SUMF1: variants seen among roughly 807,000 people sequenced by gnomAD.
The protein encoded by SUMF1 is formylglycine-generating enzyme.
Under a neutral mutation model 47.6 loss-of-function variants are expected in SUMF1, and 48 were observed. The observed-to-expected ratio is 1.01, with a 90% CI of 0.80 to 1.28. The LOEUF is 1.28. SUMF1 is among the 50% of genes most tolerant of loss of function. The pLI, the probability that SUMF1 is intolerant of heterozygous loss-of-function variation, is 0.00. For synonymous variants in SUMF1, 230 were observed against 192.1 expected, an observed-to-expected ratio of 1.20 and a Z score of -1.63; for missense variants, 571 against 485.4, an observed-to-expected ratio of 1.18 and a Z score of -1.66.
intron 9 of SUMF1, among the ~76,000 whole-genome samples, chr3:4,036,094 G>A (rs998264955): frequency 2.0e-5 from 3 of 152,078 alleles, no homozygotes; most frequent in African/African-American, 4.8e-5. Context: ...AATAATGAAT[G>A]TATTTAGCTC....
intron 8 of SUMF1, among the ~76,000 whole-genome samples, chr3:4,179,324 G>T (rs1475366736): frequency 6.6e-6 from 1 of 152,058 alleles, no homozygotes; most frequent in Non-Finnish European, 1.5e-5. Flanking sequence ...CATGCTACTG[G>T]TACCAAAACA....
chr3:4,082,613 G>C (rs1692584944), intron 8 of SUMF1, among the ~76,000 whole-genome samples: 1 of 152,128 alleles, frequency 6.6e-6, no homozygotes, highest in Admixed American at 6.5e-5. Flanking sequence ...TGGAGTGAAA[G>C]AGATTAGTCA....
At chr3:4,264,598 G>A (rs547992058) in intron 8 of SUMF1, among the ~76,000 whole-genome samples, 2 of 152,148 alleles carry the variant, frequency 1.3e-5, no homozygotes, top group South Asian at 2.1e-4. Flanking sequence ...TGCCCTTTCA[G>A]TACTTTTAAA....
chr3:4,334,923 T>G (rs1699115899), intron 8 of SUMF1, among the ~76,000 whole-genome samples: 1 of 152,208 alleles, frequency 6.6e-6, no homozygotes, highest in African/African-American at 2.4e-5. Context: ...TTTTCATTAA[T>G]TGCTTAATAT....
chr3:4,140,764 T>C (rs979032924), intron 8 of SUMF1, among the ~76,000 whole-genome samples: 2 of 151,990 alleles, frequency 1.3e-5, no homozygotes, highest in Non-Finnish European at 2.9e-5. Context: ...CAGCAGAGAA[T>C]AGTATAGGTT....
chr3:4,400,400 A>C (rs992551674), intron 7 of SUMF1, among the ~76,000 whole-genome samples: 6 of 152,258 alleles, frequency 3.9e-5, no homozygotes, highest in African/African-American at 1.4e-4. Flanking sequence ...GGAAATGATA[A>C]GAAACCACCA....
intron 8 of SUMF1, among the ~76,000 whole-genome samples, chr3:4,297,228 C>T (rs572489434): frequency 2.0e-5 from 3 of 152,184 alleles, no homozygotes; most frequent in African/African-American, 7.2e-5. Flanking sequence ...CCCCGTTAGA[C>T]GGGCTGGGTG....
chr3:4,290,855 T>C (rs1043936037), intron 8 of SUMF1, among the ~76,000 whole-genome samples: 1 of 152,132 alleles, frequency 6.6e-6, no homozygotes, highest in African/African-American at 2.4e-5. Flanking sequence ...GCTTGCAAGC[T>C]GGTTGTTAAA....
chr3:4,394,926 T>C (rs959800473), intron 7 of SUMF1, among the ~76,000 whole-genome samples: 5 of 152,188 alleles, frequency 3.3e-5, no homozygotes, highest in African/African-American at 1.2e-4. Context: ...CCTCTTTCAA[T>C]CACCTCAACC....
chr3:4,211,474 T>A (rs957021846), intron 8 of SUMF1, among the ~76,000 whole-genome samples: 2 of 151,712 alleles, frequency 1.3e-5, no homozygotes, highest in Non-Finnish European at 2.9e-5. Flanking sequence ...CCTCCAGCTT[T>A]TGAAAGAGGT....
At chr3:4,275,151 G>A (rs888394813) in intron 8 of SUMF1, among the ~76,000 whole-genome samples, 8 of 152,056 alleles carry the variant, frequency 5.3e-5, no homozygotes, top group South Asian at 2.1e-4. Flanking sequence ...CCTTGGTTGC[G>A]CTATGAGAAA....
intron 8 of SUMF1, among the ~76,000 whole-genome samples, chr3:4,246,434 C>T (rs1184785843): frequency 1.3e-5 from 2 of 152,100 alleles, no homozygotes; most frequent in African/African-American, 2.4e-5. Context: ...CAGAGTCTCA[C>T]TCTGTTGCCC....
rs77486593 is a variant in SUMF1 at position 4,391,903 on chromosome 3, C to A, written c.955-15514G>T. ...AGTGCATTGGTGCAATCTTGGTTCA[C>A]CACAGCCTCAACCTCCCTAGGTTCA... On this transcript the variant is annotated intron_variant, in intron 7 of 8. Transcript: ENST00000272902. Among the ~76,000 whole-genome samples, 625 of 151,764 alleles carry A rather than the reference C, an allele frequency of 4.1e-3. 6 individuals carry two copies. The highest frequency in any genetic ancestry group is 0.014 in the African/African-American group (597 of 41,342).
intron 7 of SUMF1, among the ~76,000 whole-genome samples, chr3:4,390,055 T>TTA (rs1700805995): frequency 6.6e-6 from 1 of 152,228 alleles, no homozygotes; most frequent in Admixed American, 6.5e-5. Context: ...CATGTTCTTA[T>TTA]TATGTTAAAA....
chr3:4,288,466 A>G (rs1397517173), intron 8 of SUMF1, among the ~76,000 whole-genome samples: 2 of 152,120 alleles, frequency 1.3e-5, no homozygotes, highest in Non-Finnish European at 2.9e-5. Context: ...CTTCCCGTTG[A>G]GCTCCCTTTC....
chr3:4,051,043 C>T (rs781165739), intron 9 of SUMF1, among the ~76,000 whole-genome samples: 3 of 151,618 alleles, frequency 2.0e-5, no homozygotes, highest in African/African-American at 4.8e-5. Context: ...TGACTTGCTG[C>T]GCACAACTAC....
chr3:4,342,284 G>C (rs930656947), intron 8 of SUMF1, among the ~76,000 whole-genome samples: 2 of 152,200 alleles, frequency 1.3e-5, no homozygotes, highest in Non-Finnish European at 2.9e-5. Flanking sequence ...TGTAATCTCA[G>C]CACTTTGGGA....
chr3:4,135,836 C>A (rs1018877167), intron 8 of SUMF1, among the ~76,000 whole-genome samples: 1 of 152,116 alleles, frequency 6.6e-6, no homozygotes, highest in African/African-American at 2.4e-5. Flanking sequence ...CAATAACAGA[C>A]AAACAGAGAG....
At position 4,128,250 on chromosome 3, in the gene SUMF1, G is replaced by A. The variant is rs533147874; in HGVS notation, c.1015-59505C>T. Among the ~76,000 whole-genome samples the A allele has an allele frequency of 2.0e-3, 299 of 152,266 alleles. 1 individual carries two copies. The highest frequency in any genetic ancestry group is 3.4e-3 in the Middle Eastern group (1 of 294). On this transcript the variant is annotated intron_variant and NMD_transcript_variant, in intron 8 of 12. Transcript: ENST00000448413. ...GACTGACCTGCAACAAAAGTTGCAC[G>A]CACAGCCTCACCAGGTGTCTACTGT...
Sources: allele counts gnomAD v4.1 joint callset (sites outside exome capture counted in the v4.1 genomes callset), GRCh38; gene constraint gnomAD v4.1.1; transcripts MANE v1.5; gene names NCBI Gene and HGNC (gene_info 2026-07-23, HGNC 2026-07-21).